MYO18A: variants seen among roughly 807,000 people sequenced by gnomAD.
The protein encoded by MYO18A is unconventional myosin-XVIIIa.
A neutral mutation model predicts 235.8 loss-of-function variants in MYO18A; 78 were observed. The observed-to-expected ratio is 0.33, with a 90% confidence interval of 0.28 to 0.40. MYO18A has a LOEUF of 0.40. Ranked by LOEUF, MYO18A falls within the 10% of genes least tolerant of loss-of-function variation. The pLI is 1.00. For synonymous variants in MYO18A, 977 were observed against 1,077.8 expected, an observed-to-expected ratio of 0.91 and a Z score of 1.83; for missense variants, 2,215 against 2,699.3, an observed-to-expected ratio of 0.82 and a Z score of 3.98.
rs2068290824 is a variant in MYO18A at position 29,166,618 on chromosome 17, C to A, written c.323G>T (p.Gly108Val). 6.2e-7 allele frequency: 1 copy of A among 1,613,934 alleles called. No homozygotes were observed. Among genetic ancestry groups the A allele is most frequent in the African/African-American group, 1.3e-5 (1 of 75,046 alleles). ...CGAGCCACGGAAGCTACCCTCCTCA[C>A]CCTTGAGGTCATCGCTGGAGCTGGC... is the stretch of plus-strand genomic sequence containing the variant. ...STASSSDDLK[G>V]EEGSFRGSVL... The change falls in exon 2 of 42, where the codon GGT (glycine) becomes GTT (valine). Residue 108 changes from glycine (G) to valine (V), a missense_variant. Physicochemically the swap from Gly to Val is moderately radical, Grantham distance 109. Coordinates refer to ENST00000527372, the MANE Select transcript of MYO18A (RefSeq NM_078471.4).
At chr17:29,151,504 G>C (rs1253599837) in intron 2 of MYO18A, among the ~76,000 whole-genome samples, 2 of 152,048 alleles carry the variant, frequency 1.3e-5, no homozygotes, top group African/African-American at 2.4e-5. Context: ...ATCCACACAT[G>C]CCTTGCCTTG....
chr17:29,104,198 A>G (rs2152803234), intron 20 of MYO18A, among the ~76,000 whole-genome samples: 1 of 152,308 alleles, frequency 6.6e-6, no homozygotes, highest in African/African-American at 2.4e-5. Context: ...GGGCATGATC[A>G]GGTCTGCATT....
chr17:29,092,576 C>A (rs1330743122), intron 33 of MYO18A, 120 bp from the exon 34 acceptor site: 4 of 886,852 alleles, frequency 4.5e-6, no homozygotes, highest in Admixed American at 2.1e-5. Context: ...CACTTCAGAC[C>A]CCAGGGCCAT....
At chr17:29,138,623 C>T (rs1177513188) in intron 2 of MYO18A, among the ~76,000 whole-genome samples, 1 of 152,212 alleles carries the variant, frequency 6.6e-6, no homozygotes, top group African/African-American at 2.4e-5. Flanking sequence ...TCACATGAAT[C>T]ATCTCATTTG....
rs1319805117 is a variant in MYO18A, at chr17:29,166,384, C to A, written c.557G>T (p.Arg186Leu). ...LVQHPGPGIP[R>L]PGHRSRAPEL... is the part of the protein sequence containing the mutation. ...AGGGGCTCGGGATCGGTGCCCTGGTCGAGGGATGCCTGGGCCAGGATGCTG... is the reference window on the plus strand; with the variant it reads ...AGGGGCTCGGGATCGGTGCCCTGGTAGAGGGATGCCTGGGCCAGGATGCTG... The change falls in exon 2 of 42, where the codon CGA (arginine) becomes CTA (leucine). Residue 186 changes from arginine (R) to leucine (L), a missense_variant. Physicochemically the swap from Arg to Leu is moderately radical, Grantham distance 102. Coordinates refer to ENST00000527372, the MANE Select transcript of MYO18A (RefSeq NM_078471.4). The A allele has an allele frequency of 1.2e-6, 2 of 1,613,456 alleles. No individual in the cohort carries two copies. The highest frequency in any genetic ancestry group is 2.2e-5 in the East Asian group (1 of 44,894).
In MYO18A at chr17:29,115,070, C is replaced by T. The variant is rs1370962938; in HGVS notation, c.2348G>A (p.Cys783Tyr). Residue 783 changes from cysteine to tyrosine, a missense_variant, in exon 14 of 42, where the codon TGC becomes TAC. Physicochemically the swap from Cys to Tyr is radical, Grantham distance 194. Coordinates refer to ENST00000527372, the MANE Select transcript of MYO18A (RefSeq NM_078471.4). Reference sequence around the variant, plus strand: ...CGGGGTGTCGACAATCATCATGGAGCAGAGTGAGTGCTGGCTGGACTTGAG... The same window carrying T: ...CGGGGTGTCGACAATCATCATGGAGTAGAGTGAGTGCTGGCTGGACTTGAG... ...RALKSSQHSLCSMMIVDTPGF... is the reference protein window; with the variant it reads ...RALKSSQHSLYSMMIVDTPGF... 2 of 1,613,724 alleles carry T rather than the reference C, an allele frequency of 1.2e-6. No homozygotes were observed. Among genetic ancestry groups the T allele is most frequent in the South Asian group, 1.1e-5 (1 of 91,062 alleles).
In MYO18A at chr17:29,074,084, A is replaced by C; in HGVS notation, c.*686T>G. 1 of 1,614,008 alleles carries C rather than the reference A, an allele frequency of 6.2e-7. No homozygotes were observed. The highest frequency in any genetic ancestry group is 8.5e-7 in the Non-Finnish European group (1 of 1,180,014). On this transcript the variant is annotated 3_prime_UTR_variant, in exon 42 of 42. Coordinates refer to ENST00000527372, the MANE Select transcript of MYO18A (RefSeq NM_078471.4). This position sits in a 1 kb window ranked among gnomAD's most constrained non-coding sequence, Gnocchi z 4.4. ...GGCTTGCTCAACCCAGCCCAGCAGCACCGGAGAGCCCCTCCGCACCTCATT... is the reference window on the plus strand; with the variant it reads ...GGCTTGCTCAACCCAGCCCAGCAGCCCCGGAGAGCCCCTCCGCACCTCATT...
intron 2 of MYO18A, among the ~76,000 whole-genome samples, chr17:29,142,148 G>A (rs1327865041): frequency 6.6e-6 from 1 of 152,128 alleles, no homozygotes; most frequent in Non-Finnish European, 1.5e-5. Flanking sequence ...GTTTCACCGT[G>A]GTCTCAATCT....
At position 29,107,021 on chromosome 17, in the gene MYO18A, A is replaced by C. The variant is rs977189934; in HGVS notation, c.3441+59T>G. 9.9e-6 allele frequency: 15 copies of C among 1,513,728 alleles called. No individual in the cohort carries two copies. In the African/African-American group the frequency reaches 1.8e-4, roughly 18 times the overall value. The allele number at this position is 1,513,728 out of a possible 1,614,324, so 93.8% of individuals were successfully genotyped here. ...GGAAGGGAAGGCAGATGAGTCTGGA[A>C]AGGGCAGCTGCTTGAGGGGCCTGGG... On this transcript the variant is annotated intron_variant, in intron 20 of 41. Transcript: ENST00000527372.
chr17:29,112,170 C>T (rs976064846), intron 15 of MYO18A, among the ~76,000 whole-genome samples: 2 of 152,350 alleles, frequency 1.3e-5, no homozygotes, highest in Non-Finnish European at 2.9e-5. Context: ...AGGCCCTCCT[C>T]CACCCTCGTC....
In MYO18A at chr17:29,086,146, G is replaced by A. The variant is rs573085513; in HGVS notation, c.5852+292C>T. Among the ~76,000 whole-genome samples the A allele has an allele frequency of 6.6e-5, 10 of 152,384 alleles. No individual in the cohort carries two copies. The South Asian group carries it at 2.1e-3, about 32-fold the overall frequency. On this transcript the variant is annotated intron_variant, in intron 39 of 41. Coordinates refer to ENST00000527372, the MANE Select transcript of MYO18A (RefSeq NM_078471.4). ...CTGCTCTCCCCAGAGTGGGGCAGGT[G>A]CCATCGGAAATGCAGCTAAACGGGA...
At chr17:29,139,246 C>A (rs996727110) in intron 2 of MYO18A, among the ~76,000 whole-genome samples, 8 of 152,198 alleles carry the variant, frequency 5.3e-5, no homozygotes, top group Non-Finnish European at 8.8e-5. Flanking sequence ...CTGCTGGAGG[C>A]CCCCCTTCCC....
Position 29,093,139 on chromosome 17 carries a change from C to T in MYO18A, c.4927-138G>A, listed in dbSNP as rs147838155. ...GAAGAGCCAGGGTCATGCCAACCAG[C>T]GATAAAGGGCTGGGTGTGCCAATGT... is the stretch of plus-strand genomic sequence containing the variant. On this transcript the variant is annotated intron_variant, in intron 32 of 41. Transcript: ENST00000527372. The T allele has an allele frequency of 4.9e-3, 6,201 of 1,277,054 alleles. 86 individuals are homozygous for T. Among genetic ancestry groups the T allele is most frequent in the South Asian group, 0.03 (2,115 of 69,432 alleles). 79.1% of individuals were successfully genotyped at this position (1,277,054 alleles called of 1,614,324 possible).
intron 2 of MYO18A, among the ~76,000 whole-genome samples, chr17:29,128,776 T>G (rs1013085421): frequency 6.6e-6 from 1 of 152,144 alleles, no homozygotes; most frequent in African/African-American, 2.4e-5. Context: ...ATCAGCACAA[T>G]CAGGTACTAC....
intron 15 of MYO18A, among the ~76,000 whole-genome samples, chr17:29,112,789 G>A (rs1435901975): frequency 2.0e-5 from 3 of 152,218 alleles, no homozygotes; most frequent in Non-Finnish European, 4.4e-5. Flanking sequence ...TTTGACCCCA[G>A]CTGCCTGCAT....
At chr17:29,080,373 C>A in intron 41 of MYO18A, 1 of 986,216 alleles carries the variant, frequency 1.0e-6, no homozygotes, top group Non-Finnish European at 1.2e-6. Flanking sequence ...GGGGTGGCAC[C>A]GACAGACTGC....
chr17:29,113,960 G>A, intron 15 of MYO18A, 51 bp downstream of exon 15: 1 of 1,411,884 alleles, frequency 7.1e-7, no homozygotes, highest in Non-Finnish European at 9.8e-7. Context: ...ACGGGGAGAG[G>A]GGTGGGGAAC....
intron 2 of MYO18A, among the ~76,000 whole-genome samples, chr17:29,159,624 A>G (rs548190529): frequency 2.4e-4 from 37 of 152,310 alleles, no homozygotes; most frequent in African/African-American, 8.2e-4. Flanking sequence ...CACCACCAGA[A>G]GGCCCTAGGA....
Position 29,099,752 on chromosome 17 carries a change from C to T in MYO18A, c.3518G>A (p.Arg1173Gln), listed in dbSNP as rs374765405. 7.4e-6 allele frequency: 12 copies of T among 1,612,394 alleles called. No homozygotes were observed. Among genetic ancestry groups the T allele is most frequent in the South Asian group, 3.3e-5 (3 of 90,980 alleles). Residue 1173 changes from arginine (R) to glutamine (Q), a missense_variant, in exon 22 of 42, where the codon CGG becomes CAG. Physicochemically the swap from Arg to Gln is conservative, Grantham distance 43. Coordinates refer to ENST00000527372, the MANE Select transcript of MYO18A (RefSeq NM_078471.4). ...CCMGLSRVFF[R>Q]AGTLARLEEQ... is the part of the protein sequence containing the mutation. Reference sequence around the variant, plus strand: ...CTCCAGCCGTGCCAAGGTGCCCGCCCGGAAGAACACCTGTGAAAAAGCAGG... The same window carrying T: ...CTCCAGCCGTGCCAAGGTGCCCGCCTGGAAGAACACCTGTGAAAAAGCAGG...
Sources: gnomAD v4.1 joint callset for allele counts (sites outside exome capture counted in the v4.1 genomes callset) on GRCh38, gnomAD v4.1.1 for gene constraint, Gnocchi (gnomAD v3.1) non-coding constraint, MANE v1.5 for transcripts, NCBI Gene and HGNC (gene_info 2026-07-23, HGNC 2026-07-21) for gene names.